KLHL2: variants seen among roughly 807,000 people sequenced by gnomAD.
KLHL2 encodes kelch-like protein 2.
In KLHL2, 15 loss-of-function variants were observed where a neutral mutation model predicts 75.8. The observed-to-expected ratio is 0.20, with a 90% CI of 0.13 to 0.30. The LOEUF (loss-of-function observed/expected upper bound fraction) is 0.30, where lower values mean the gene tolerates loss of function less well. Ranked by LOEUF, KLHL2 falls within the 10% of genes least tolerant of loss-of-function variation. KLHL2 has a pLI of 1.00. For synonymous variants in KLHL2, 214 were observed against 251.9 expected (o/e 0.85, Z 1.42); for missense variants, 381 against 741.0 (o/e 0.51, Z 5.64).
chr4:165,310,557 G>A lies in KLHL2; in HGVS notation c.1044G>A (p.Met348Ile). The A allele has an allele frequency of 6.2e-7, 1 of 1,613,712 alleles. No individual in the cohort carries two copies. The highest frequency in any genetic ancestry group is 8.5e-7 in the Non-Finnish European group (1 of 1,179,692). ...AATGCTGTACTCCTTTTGCAGGCATGGTCTACATGGCTGGACTTGTTTTTG... is the reference window on the plus strand; with the variant it reads ...AATGCTGTACTCCTTTTGCAGGCATAGTCTACATGGCTGGACTTGTTTTTG... ...ELPSRRCRAG[M>I]VYMAGLVFAV... Residue 348 changes from methionine to isoleucine, a missense_variant, in exon 10 of 15, where the codon ATG becomes ATA. Coordinates refer to ENST00000226725, the MANE Select transcript of KLHL2 (RefSeq NM_007246.4).
chr4:165,238,268 G>A (rs555398197), intron 3 of KLHL2, among the ~76,000 whole-genome samples: 283 of 152,278 alleles, frequency 1.9e-3, no homozygotes, highest in Non-Finnish European at 3.5e-3. Context: ...TCTGGCATGA[G>A]GGTTGTGACC....
intron 2 of KLHL2, among the ~76,000 whole-genome samples, chr4:165,225,881 C>CA (rs763007261): frequency 5.3e-5 from 8 of 152,136 alleles, no homozygotes; most frequent in Non-Finnish European, 1.2e-4. Flanking sequence ...GATGTGGCTG[C>CA]ATAATATTTT....
chr4:165,228,824 A>T lies in KLHL2; in HGVS notation c.170A>T (p.Asp57Val). 6.2e-7 allele frequency: 1 copy of T among 1,612,736 alleles called. No homozygotes were observed. ...NELRSQNLLC[D>V]VTIVAEDMEI... ...TTACACAGTCAAAATTTGCTGTGCGATGTCACAATTGTGGCAGAAGACATG... is the reference window on the plus strand; with the variant it reads ...TTACACAGTCAAAATTTGCTGTGCGTTGTCACAATTGTGGCAGAAGACATG... The change falls in exon 3 of 15, where the codon GAT becomes GTT. Residue 57 changes from aspartate to valine, a missense_variant. By Grantham distance (152) the Asp-to-Val change is radical. Around this residue, in one of 5 missense-constraint regions of KLHL2, gnomAD observed 48 missense variants for 88.9 expected, o/e 0.54. Transcript: ENST00000226725.
intron 8 of KLHL2, among the ~76,000 whole-genome samples, chr4:165,303,124 G>A (rs1422224784): frequency 6.6e-6 from 1 of 152,008 alleles, no homozygotes; most frequent in African/African-American, 2.4e-5. Flanking sequence ...CTGATTCCTG[G>A]AGACCCAAAT....
intron 3 of KLHL2, among the ~76,000 whole-genome samples, chr4:165,231,401 A>G (rs1738875519): frequency 6.6e-6 from 1 of 152,136 alleles, no homozygotes; most frequent in African/African-American, 2.4e-5. Context: ...GTGAACCAAG[A>G]TGGTGCCATT....
chr4:165,258,552 A>G (rs561730403), intron 4 of KLHL2, among the ~76,000 whole-genome samples: 1 of 152,348 alleles, frequency 6.6e-6, no homozygotes, highest in Admixed American at 6.5e-5. Flanking sequence ...TATGAGAAGC[A>G]GCACTGTTCA....
chr4:165,309,683 ATAT>A (rs1450197849), intron 9 of KLHL2, among the ~76,000 whole-genome samples: 1 of 152,154 alleles, frequency 6.6e-6, no homozygotes, highest in Non-Finnish European at 1.5e-5. Context: ...ATGTCATGAA[ATAT>A]TATTCCTCTT....
At chr4:165,254,320 A>C (rs1014618061) in intron 4 of KLHL2, among the ~76,000 whole-genome samples, 3 of 152,232 alleles carry the variant, frequency 2.0e-5, no homozygotes, top group African/African-American at 7.2e-5. Flanking sequence ...ACATTTCATC[A>C]TGTGGATTTA....
rs746363016 is a variant in KLHL2 at position 165,310,020 on chromosome 4, C to T, written c.1040-533C>T. Among the ~76,000 whole-genome samples, 13 of 152,078 alleles carry T rather than the reference C, an allele frequency of 8.5e-5. 1 individual carries two copies. Among genetic ancestry groups the T allele is most frequent in the Admixed American group, 2.6e-4 (4 of 15,254 alleles). ...CCAAGAGTCAACATGGTACTTTAGCCCATGCCATTGCATTTTTTAATAACC... is the reference window on the plus strand; with the variant it reads ...CCAAGAGTCAACATGGTACTTTAGCTCATGCCATTGCATTTTTTAATAACC... On this transcript the variant is annotated intron_variant, in intron 9 of 14. Coordinates refer to ENST00000226725, the MANE Select transcript of KLHL2 (RefSeq NM_007246.4).
At chr4:165,303,272 T>C (rs1196538388) in intron 8 of KLHL2, among the ~76,000 whole-genome samples, 2 of 152,216 alleles carry the variant, frequency 1.3e-5, no homozygotes, top group African/African-American at 4.8e-5. Flanking sequence ...AGAAATCTTA[T>C]ATTCAAACTT....
At chr4:165,260,576 G>T (rs1023844062) in intron 4 of KLHL2, among the ~76,000 whole-genome samples, 4 of 148,846 alleles carry the variant, frequency 2.7e-5, no homozygotes, top group Admixed American at 2.0e-4. Context: ...ATGTGTGTGT[G>T]TGGGGGGGGT....
At chr4:165,302,387 C>T (rs1033203095) in intron 8 of KLHL2, among the ~76,000 whole-genome samples, 4 of 152,090 alleles carry the variant, frequency 2.6e-5, no homozygotes, top group Non-Finnish European at 4.4e-5. Flanking sequence ...CTTTTATCAT[C>T]GTAATAATGA....
At chr4:165,253,862 C>T (rs1740943485) in intron 4 of KLHL2, among the ~76,000 whole-genome samples, 1 of 152,184 alleles carries the variant, frequency 6.6e-6, no homozygotes, top group African/African-American at 2.4e-5. Context: ...CAGTAGTCGT[C>T]CCTGTTTATT....
intron 13 of KLHL2, among the ~76,000 whole-genome samples, chr4:165,317,268 T>C (rs1167232447): frequency 6.6e-6 from 1 of 151,650 alleles, no homozygotes; most frequent in African/African-American, 2.4e-5. Flanking sequence ...GTTGTGAAAA[T>C]TAGGTAGAAT....
intron 1 of KLHL2, among the ~76,000 whole-genome samples, chr4:165,218,805 G>A (rs114292798): frequency 6.6e-6 from 1 of 152,220 alleles, no homozygotes; most frequent in African/African-American, 2.4e-5. Context: ...AGGAAGAGAA[G>A]TGCAGCAATT....
chr4:165,226,128 G>A (rs1263128191), intron 2 of KLHL2, among the ~76,000 whole-genome samples: 1 of 152,154 alleles, frequency 6.6e-6, no homozygotes, highest in African/African-American at 2.4e-5. Context: ...AGGAAAATAG[G>A]CATAAAGATG....
chr4:165,264,751 T>TAC (rs1469272979), intron 5 of KLHL2, among the ~76,000 whole-genome samples: 3 of 74,184 alleles, frequency 4.0e-5, no homozygotes, highest in African/African-American at 5.6e-5. Context: ...TATATATATA[T>TAC]ATATATATAT....
intron 5 of KLHL2, among the ~76,000 whole-genome samples, chr4:165,268,785 T>G (rs1236354842): frequency 6.6e-6 from 1 of 152,226 alleles, no homozygotes; most frequent in Admixed American, 6.5e-5. Flanking sequence ...AGAATGTATA[T>G]TCTGTTGATT....
At chr4:165,209,101 T>G (rs544780644) in intron 1 of KLHL2, among the ~76,000 whole-genome samples, 1 of 152,260 alleles carries the variant, frequency 6.6e-6, no homozygotes, top group African/African-American at 2.4e-5. Flanking sequence ...ATAAGACTCT[T>G]GAATTGGCCT....
Sources: gnomAD v4.1 joint callset for allele counts (sites outside exome capture counted in the v4.1 genomes callset) on GRCh38, gnomAD v4.1.1 for gene constraint, gnomAD v4.1.1 regional missense constraint, MANE v1.5 for transcripts, NCBI Gene and HGNC (gene_info 2026-07-23, HGNC 2026-07-21) for gene names.